Variants in PAPSS1 observed in about 807,000 individuals in gnomAD.
The protein encoded by PAPSS1 is 3'-phosphoadenosine 5'-phosphosulfate synthase 1, also known as bifunctional 3'-phosphoadenosine 5'-phosphosulfate synthase 1.
In PAPSS1, 50 loss-of-function variants were observed where a neutral mutation model predicts 72.0. The ratio of observed to expected loss-of-function variants is 0.69; its 90% CI spans 0.55 to 0.88. The LOEUF is 0.88. PAPSS1 is among the 40% of genes least tolerant of loss of function. The pLI, the probability that PAPSS1 is intolerant of heterozygous loss-of-function variation, is 0.00. For missense variants in PAPSS1, 657 were observed against 782.2 expected (o/e 0.84, Z 1.91); for synonymous variants, 261 against 263.6 (o/e 0.99, Z 0.09).
chr4:107,655,474 A>G lies in PAPSS1; in HGVS notation c.896-574T>C, dbSNP rs1328992842. On this transcript the variant is annotated intron_variant, in intron 7 of 11. Coordinates refer to ENST00000265174, the MANE Select transcript of PAPSS1 (RefSeq NM_005443.5). ...CCAGCTATCACTAACCAAGAAATAA[A>G]GACAGTAATGACTGTATTTAAACCA... Among the ~76,000 whole-genome samples, 4 of 152,204 alleles carry G rather than the reference A, an allele frequency of 2.6e-5. No individual in the cohort carries two copies. In the South Asian group the frequency reaches 6.2e-4, roughly 24 times the overall value.
Position 107,638,828 on chromosome 4 carries a change from T to TAAAA in PAPSS1, c.1506+5973_1506+5974insTTTT, listed in dbSNP as rs1477065212. The stretch of plus-strand genomic sequence containing the variant: ...TACAAAATGTTTTATAAATATTATT[T>TAAAA]AATGTTTACAGCAAATCAATAAGAT... On this transcript the variant is annotated intron_variant, in intron 10 of 11. Transcript: ENST00000265174. 2.1e-3 allele frequency among the ~76,000 whole-genome samples: 316 copies of TAAAA among 152,348 alleles called. 3 individuals carry two copies. Among genetic ancestry groups the TAAAA allele is most frequent in the African/African-American group, 7.2e-3 (299 of 41,574 alleles).
At chr4:107,672,299 G>C (rs551590710) in intron 5 of PAPSS1, among the ~76,000 whole-genome samples, 1 of 152,334 alleles carries the variant, frequency 6.6e-6, no homozygotes, top group South Asian at 2.1e-4. Context: ...CAAGGGGTCA[G>C]GGAATTCCCT....
At chr4:107,654,986 C>T in intron 7 of PAPSS1, 86 bp from the exon 8 acceptor site, 1 of 919,332 alleles carries the variant, frequency 1.1e-6, no homozygotes, top group South Asian at 1.6e-5. Flanking sequence ...TCAGGGGACA[C>T]TTTTCAAATA....
rs182774478 is a variant in PAPSS1, at chr4:107,672,875, C to A, written c.669+9140G>T. 4.1e-4 allele frequency among the ~76,000 whole-genome samples: 63 copies of A among 152,288 alleles called. No homozygotes were observed. In the East Asian group the frequency reaches 0.012, roughly 29 times the overall value. Reference sequence around the variant, plus strand: ...CTCTGAGAAAAAACTTCCAGAGGAACGATCAGGCAGCAACATTTACTGCTC... The same window carrying A: ...CTCTGAGAAAAAACTTCCAGAGGAAAGATCAGGCAGCAACATTTACTGCTC... On this transcript the variant is annotated intron_variant, in intron 5 of 11. Transcript: ENST00000265174.
intron 5 of PAPSS1, among the ~76,000 whole-genome samples, chr4:107,676,149 C>T (rs1269141243): frequency 6.6e-6 from 1 of 152,154 alleles, no homozygotes; most frequent in Admixed American, 6.5e-5. Flanking sequence ...TCTCTCACCA[C>T]TCCTATTCAA....
intron 1 of PAPSS1, among the ~76,000 whole-genome samples, chr4:107,702,606 T>C (rs1723233780): frequency 6.6e-6 from 1 of 152,196 alleles, no homozygotes; most frequent in African/African-American, 2.4e-5. Context: ...TGAGATCATA[T>C]GGTACTTCCC....
chr4:107,695,884 TAAAC>T (rs1278134575), intron 2 of PAPSS1, among the ~76,000 whole-genome samples: 2 of 151,720 alleles, frequency 1.3e-5, no homozygotes, highest in Non-Finnish European at 2.9e-5. Context: ...ACAGAAGAAA[TAAAC>T]AACCCCATCA....
intron 3 of PAPSS1, among the ~76,000 whole-genome samples, chr4:107,692,120 A>T (rs751520309): frequency 1.3e-5 from 2 of 152,208 alleles, no homozygotes; most frequent in Non-Finnish European, 1.5e-5. Context: ...ACCATTCAGG[A>T]CACAGGCACA....
At chr4:107,711,078 T>G (rs1240053060) in intron 1 of PAPSS1, among the ~76,000 whole-genome samples, 3 of 152,250 alleles carry the variant, frequency 2.0e-5, no homozygotes, top group Non-Finnish European at 2.9e-5. Context: ...CCCAACCTCC[T>G]TTGTTACTAG....
intron 2 of PAPSS1, among the ~76,000 whole-genome samples, chr4:107,698,392 T>C (rs927356753): frequency 2.2e-4 from 33 of 152,242 alleles, no homozygotes; most frequent in African/African-American, 8.0e-4. Flanking sequence ...ACACATCAGG[T>C]GAATACATAT....
chr4:107,621,903 T>C (rs1003801930), intron 11 of PAPSS1, among the ~76,000 whole-genome samples: 3 of 151,972 alleles, frequency 2.0e-5, no homozygotes, highest in African/African-American at 7.2e-5. Flanking sequence ...GCTGGGATTA[T>C]AGGCGTGAGC....
chr4:107,708,612 T>C (rs144109138), intron 1 of PAPSS1, among the ~76,000 whole-genome samples: 1 of 152,238 alleles, frequency 6.6e-6, no homozygotes, highest in African/African-American at 2.4e-5. Context: ...TATCAACTGC[T>C]GAGAATATGG....
intron 5 of PAPSS1, among the ~76,000 whole-genome samples, chr4:107,665,394 T>C (rs1727289655): frequency 2.0e-5 from 3 of 152,194 alleles, no homozygotes; most frequent in Admixed American, 6.5e-5. Flanking sequence ...TCCACTTTAT[T>C]TGGGATTCAT....
chr4:107,676,983 T>C (rs1178448079), intron 5 of PAPSS1, among the ~76,000 whole-genome samples: 2 of 152,352 alleles, frequency 1.3e-5, no homozygotes, highest in East Asian at 1.9e-4. Flanking sequence ...GCTAGCCATA[T>C]TTAGAAAGCT....
Position 107,631,640 on chromosome 4 carries a change from TCATAGTAGTC to T in PAPSS1, c.1717_1726del (p.Asp573ThrfsTer39). The T allele has an allele frequency of 6.2e-7, 1 of 1,608,502 alleles. No homozygotes were observed. Among genetic ancestry groups the T allele is most frequent in the East Asian group, 2.2e-5 (1 of 44,842 alleles). ...AGAATGTAAGACTTACTGTTCAGAG[TCATAGTAGTC>T]CATACGCTTCTTTTTCTTGTTGTAA... is the stretch of plus-strand genomic sequence containing the variant. On this transcript the variant is annotated frameshift_variant, in exon 11 of 12. Coordinates refer to ENST00000265174, the MANE Select transcript of PAPSS1 (RefSeq NM_005443.5). LOFTEE classifies it high-confidence loss of function.
intron 11 of PAPSS1, among the ~76,000 whole-genome samples, chr4:107,624,031 A>G (rs1332389468): frequency 6.6e-6 from 1 of 152,154 alleles, no homozygotes; most frequent in African/African-American, 2.4e-5. Flanking sequence ...CCATCTTTTA[A>G]AAATTCTTAT....
intron 1 of PAPSS1, among the ~76,000 whole-genome samples, chr4:107,711,179 T>C (rs1723482183): frequency 6.6e-6 from 1 of 152,250 alleles, no homozygotes; most frequent in African/African-American, 2.4e-5. Context: ...ATGACTGATA[T>C]TTGGAAATCT....
At chr4:107,718,676 C>T (rs1477403510) in intron 1 of PAPSS1, among the ~76,000 whole-genome samples, 1 of 152,204 alleles carries the variant, frequency 6.6e-6, no homozygotes, top group Non-Finnish European at 1.5e-5. Context: ...GCACAAGTCT[C>T]TACATAGAAT....
Position 107,618,604 on chromosome 4 carries a change from G to C in PAPSS1, c.1737-4217C>G, listed in dbSNP as rs142011546. ...ACAGAAGGTGGTGGGGGAGTGGAGAGAGACAGAAATGATTTGGTGTTAGAA... is the reference window on the plus strand; with the variant it reads ...ACAGAAGGTGGTGGGGGAGTGGAGACAGACAGAAATGATTTGGTGTTAGAA... On this transcript the variant is annotated intron_variant, in intron 11 of 11. Coordinates refer to ENST00000265174, the MANE Select transcript of PAPSS1 (RefSeq NM_005443.5). Among the ~76,000 whole-genome samples, 192 of 152,074 alleles carry C rather than the reference G, an allele frequency of 1.3e-3. 3 individuals carry two copies. The East Asian group carries it at 0.035, about 28-fold the overall frequency.
Sources: allele counts gnomAD v4.1 joint callset (sites outside exome capture counted in the v4.1 genomes callset), GRCh38; gene constraint gnomAD v4.1.1; transcripts MANE v1.5; gene names NCBI Gene and HGNC (gene_info 2026-07-23, HGNC 2026-07-21).